LRGUK: variants seen among roughly 807,000 people sequenced by gnomAD.
LRGUK encodes the protein leucine rich repeats and guanylate kinase domain containing.
A neutral mutation model predicts 76.0 loss-of-function variants in LRGUK; 65 were observed. The observed-to-expected ratio is 0.85, with a 90% confidence interval of 0.70 to 1.05. The LOEUF is 1.05. Ranked by LOEUF, LRGUK falls within the 50% of genes least tolerant of loss-of-function variation. The pLI, the probability that LRGUK is intolerant of heterozygous loss-of-function variation, is 0.00. For synonymous variants in LRGUK, 268 were observed against 265.6 expected (o/e 1.01, Z -0.09); for missense variants, 758 against 732.8 (o/e 1.03, Z -0.40).
intron 16 of LRGUK, among the ~76,000 whole-genome samples, chr7:134,238,332 TTTTG>T (rs1322189371): frequency 6.6e-6 from 1 of 152,188 alleles, no homozygotes; most frequent in Non-Finnish European, 1.5e-5. Flanking sequence ...TGTTTCCTTG[TTTTG>T]TTTATTTTGT....
intron 4 of LRGUK, among the ~76,000 whole-genome samples, chr7:134,144,713 G>A (rs1797899011): frequency 6.6e-6 from 1 of 152,106 alleles, no homozygotes. Context: ...ATACTGATGA[G>A]AGACCTTAAT....
intron 16 of LRGUK, among the ~76,000 whole-genome samples, chr7:134,233,246 G>C (rs2544164): frequency 6.6e-6 from 1 of 152,158 alleles, no homozygotes; most frequent in African/African-American, 2.4e-5. Context: ...TGCTGACTTA[G>C]TTAAGGCTTC....
chr7:134,160,746 T>G (rs1798691911), intron 6 of LRGUK, among the ~76,000 whole-genome samples: 1 of 152,226 alleles, frequency 6.6e-6, no homozygotes. Flanking sequence ...GCTGCTTGTT[T>G]TTTTCTTCCA....
exon 20 of LRGUK, chr7:134,263,955 A>G: frequency 1.2e-6 from 2 of 1,611,632 alleles, no homozygotes; most frequent in Non-Finnish European, 1.7e-6. Context: ...CCTCCCTCCA[A>G]TCCCTCAGGG....
In LRGUK at chr7:134,195,386, C is replaced by T. The variant is rs184495293; in HGVS notation, c.1432-1606C>T. 5.6e-4 allele frequency among the ~76,000 whole-genome samples: 85 copies of T among 152,262 alleles called. 2 individuals carry two copies. In the East Asian group the frequency reaches 0.014, roughly 26 times the overall value. ...GTTTTAAAGTGTAAACTAAGTTCCTCCCAAAGTTAGTTCAGCCTGTGCCCA... is the reference window on the plus strand; with the variant it reads ...GTTTTAAAGTGTAAACTAAGTTCCTTCCAAAGTTAGTTCAGCCTGTGCCCA... On this transcript the variant is annotated intron_variant, in intron 12 of 15. Coordinates refer to ENST00000645682, the Ensembl canonical transcript of LRGUK.
intron 3 of LRGUK, among the ~76,000 whole-genome samples, chr7:134,140,433 C>G (rs1455974060): frequency 1.3e-5 from 2 of 152,070 alleles, no homozygotes; most frequent in Non-Finnish European, 2.9e-5. Context: ...TGTTATGACA[C>G]CTTGTTCACA....
intron 19 of LRGUK, 22 bp from the exon 20 acceptor site, chr7:134,263,823 T>G: frequency 6.3e-7 from 1 of 1,592,010 alleles, no homozygotes; most frequent in South Asian, 1.1e-5. Context: ...ATTAACTATC[T>G]TTTTTTCTGA....
intron 14 of LRGUK, 48 bp from the exon 15 acceptor site, chr7:134,201,433 G>C (rs1800763858): frequency 9.5e-6 from 13 of 1,368,224 alleles, no homozygotes; most frequent in Non-Finnish European, 1.3e-5. Context: ...AACATCAACT[G>C]TATTGGATGT....
At chr7:134,226,399 T>C (rs1801765885) in intron 16 of LRGUK, among the ~76,000 whole-genome samples, 1 of 152,180 alleles carries the variant, frequency 6.6e-6, no homozygotes, top group South Asian at 2.1e-4. Flanking sequence ...TAATCTAATA[T>C]TCTCTTCCCT....
intron 11 of LRGUK, among the ~76,000 whole-genome samples, chr7:134,185,350 C>T (rs1799942418): frequency 6.6e-6 from 1 of 152,002 alleles, no homozygotes; most frequent in Admixed American, 6.5e-5. Context: ...CACTTGAAGC[C>T]AGGAGTTCGA....
At chr7:134,257,731 G>A (rs549948048) in intron 18 of LRGUK, among the ~76,000 whole-genome samples, 1 of 152,192 alleles carries the variant, frequency 6.6e-6, no homozygotes, top group South Asian at 2.1e-4. Flanking sequence ...TTGAACCCAG[G>A]AGGTGGAGGT....
chr7:134,262,246 C>T (rs556558273), intron 19 of LRGUK, among the ~76,000 whole-genome samples: 2 of 152,154 alleles, frequency 1.3e-5, no homozygotes, highest in African/African-American at 2.4e-5. Flanking sequence ...TGTTGGTGTG[C>T]GCCTGTAATC....
intron 11 of LRGUK, among the ~76,000 whole-genome samples, chr7:134,190,860 C>T (rs900613906): frequency 2.3e-4 from 9 of 38,672 alleles, no homozygotes; most frequent in Admixed American, 5.2e-4. Context: ...AGGAAAAAAA[C>T]AGATAAATAT....
At chr7:134,143,070 T>G (rs768610918) in exon 4 of LRGUK, 19 of 1,574,028 alleles carry the variant, frequency 1.2e-5, no homozygotes, top group Admixed American at 1.7e-5. Flanking sequence ...AGATTTATCT[T>G]GTGTGAGTTG....
At chr7:134,152,383 GA>G (rs1404934925) in intron 5 of LRGUK, among the ~76,000 whole-genome samples, 2 of 151,940 alleles carry the variant, frequency 1.3e-5, no homozygotes, top group Non-Finnish European at 2.9e-5. Flanking sequence ...TAACTAAAGA[GA>G]AATATATCCC....
At chr7:134,174,107 C>CAAA (rs112357506) in intron 7 of LRGUK, among the ~76,000 whole-genome samples, 3,900 of 80,594 alleles carry the variant, frequency 0.048, 189 homozygotes, top group African/African-American at 0.14. Flanking sequence ...GACTCCATCG[C>CAAA]AAAAAAAAAA....
chr7:134,205,213 C>A (rs531323263), intron 15 of LRGUK, among the ~76,000 whole-genome samples: 134 of 152,272 alleles, frequency 8.8e-4, no homozygotes, highest in African/African-American at 2.8e-3. Context: ...TAGAATCCTG[C>A]TGATTGGTGC....
At chr7:134,149,370 G>T (rs570769310) in intron 5 of LRGUK, among the ~76,000 whole-genome samples, 91 of 152,314 alleles carry the variant, frequency 6.0e-4, no homozygotes, top group Non-Finnish European at 1.1e-3. Context: ...TTGGGAGACA[G>T]AATGGAGAAT....
At chr7:134,178,227 T>C (rs1799569859) in intron 9 of LRGUK, among the ~76,000 whole-genome samples, 1 of 152,260 alleles carries the variant, frequency 6.6e-6, no homozygotes, top group Admixed American at 6.5e-5. Context: ...TGTGTGTGTT[T>C]TTGTTTTTTG....
Sources: allele counts gnomAD v4.1 joint callset (sites outside exome capture counted in the v4.1 genomes callset), GRCh38; gene constraint gnomAD v4.1.1; transcripts MANE v1.5; gene names NCBI Gene and HGNC (gene_info 2026-07-23, HGNC 2026-07-21).